PDCD7: variants seen among roughly 807,000 people sequenced by gnomAD.
PDCD7 encodes programmed cell death protein 7.
PDCD7 carries 40 observed loss-of-function variants against 42.1 expected under a neutral mutation model. That is an observed-to-expected ratio of 0.95 (90% CI 0.74 to 1.24). The LOEUF (loss-of-function observed/expected upper bound fraction) is 1.24. PDCD7 is among the 50% of genes most tolerant of loss of function. PDCD7 has a pLI of 0.00. For missense variants in PDCD7, 644 were observed against 662.8 expected (o/e 0.97, Z 0.31); for synonymous variants, 299 against 303.3 (o/e 0.99, Z 0.15).
chr15:65,125,355 C>A (rs979536898), intron 2 of PDCD7, among the ~76,000 whole-genome samples: 18 of 152,208 alleles, frequency 1.2e-4, no homozygotes, highest in African/African-American at 4.1e-4. Flanking sequence ...CCCAAAGACA[C>A]ACAACACCCC....
At position 65,133,651 on chromosome 15, in the gene PDCD7, C is replaced by T. The variant is rs1458589568; in HGVS notation, c.131G>A (p.Arg44Gln). ...SPAFPPPLPQ[R>Q]PGPFPGASAP... is the part of the protein sequence containing the mutation. ...GGAGGCCCCCGGAAAAGGGCCGGGC[C>T]GCTGGGGGAGAGGCGGCGGGAAAGC... The change falls in exon 1 of 5, where the codon CGG becomes CAG. Residue 44 changes from arginine to glutamine, a missense_variant. Physicochemically the swap from Arg to Gln is conservative, Grantham distance 43. Coordinates refer to ENST00000204549, the MANE Select transcript of PDCD7 (RefSeq NM_005707.2). 7.9e-7 allele frequency: 1 copy of T among 1,261,524 alleles called. No homozygotes were observed. The highest frequency in any genetic ancestry group is 1.0e-6 in the Non-Finnish European group (1 of 998,736). The allele number at this position is 1,261,524 out of a possible 1,614,324, so 78.1% of individuals were successfully genotyped here.
Position 65,126,064 on chromosome 15 carries a change from CCGA to C in PDCD7, c.1009+2965_1009+2967del, listed in dbSNP as rs200869659. On this transcript the variant is annotated intron_variant, in intron 2 of 4. Transcript: ENST00000204549. ...TTCAATTACCTCCCACCAAGTCCCT[CCGA>C]CGACATGTGGGAATTATGGGAGCTA... is the stretch of plus-strand genomic sequence containing the variant. 8.7e-3 allele frequency among the ~76,000 whole-genome samples: 1,323 copies of C among 152,300 alleles called. 22 individuals are homozygous for C. The highest frequency in any genetic ancestry group is 0.026 in the African/African-American group (1,063 of 41,552).
chr15:65,122,642 T>C (rs915625874), intron 2 of PDCD7, among the ~76,000 whole-genome samples: 1 of 152,212 alleles, frequency 6.6e-6, no homozygotes, highest in African/African-American at 2.4e-5. Context: ...ATTCCAAATG[T>C]CCTGTTATTA....
At chr15:65,128,455 G>A (rs932583529) in intron 2 of PDCD7, among the ~76,000 whole-genome samples, 6 of 152,190 alleles carry the variant, frequency 3.9e-5, no homozygotes, top group African/African-American at 1.2e-4. Context: ...AGCCAGCATG[G>A]TTGAAACAAA....
chr15:65,120,927 G>C (rs967738366), intron 2 of PDCD7, among the ~76,000 whole-genome samples: 13 of 152,066 alleles, frequency 8.5e-5, no homozygotes, highest in African/African-American at 3.1e-4. Context: ...TTAAAATTTA[G>C]AAATTTTACC....
In PDCD7 at chr15:65,133,740, T is replaced by G. The variant is rs1595930515; in HGVS notation, c.42A>C (p.Pro14=). 1 of 1,316,134 alleles carries G rather than the reference T, an allele frequency of 7.6e-7. No homozygotes were observed. The highest frequency in any genetic ancestry group is 9.7e-7 in the Non-Finnish European group (1 of 1,029,050). The allele number at this position is 1,316,134 out of a possible 1,614,324, so 81.5% of individuals were successfully genotyped here. A position where few individuals can be genotyped will look rare whatever the true frequency, so the allele number is the denominator to read the frequency against. ...CAGGAGGCGGCGGCTGCGGGGGCGG[T>G]GGGCCTGGGCGACCCTGGCCGAAGA... The part of the protein sequence containing the change: ...PPFFGQGRPG[P]PPPQPPPPAP... The change falls in exon 1 of 5, where the codon CCA becomes CCC. Residue 14 remains proline, a synonymous_variant. Coordinates refer to ENST00000204549, the MANE Select transcript of PDCD7 (RefSeq NM_005707.2).
At chr15:65,128,539 C>T (rs1038317968) in intron 2 of PDCD7, among the ~76,000 whole-genome samples, 1 of 152,176 alleles carries the variant, frequency 6.6e-6, no homozygotes, top group Non-Finnish European at 1.5e-5. Context: ...AGACCAGTGA[C>T]ATGAAGGGAA....
intron 2 of PDCD7, among the ~76,000 whole-genome samples, chr15:65,123,482 G>C (rs146544353): frequency 6.6e-6 from 1 of 152,142 alleles, no homozygotes; most frequent in African/African-American, 2.4e-5. Flanking sequence ...CACCATGCCC[G>C]GCCCTTCAAC....
chr15:65,119,489 G>A (rs781547039), intron 3 of PDCD7, 26 bp from the exon 4 acceptor site: 9 of 1,509,040 alleles, frequency 6.0e-6, no homozygotes, highest in Non-Finnish European at 8.3e-6. Flanking sequence ...ACAATACCAC[G>A]TTATCATGCT....
intron 4 of PDCD7, 43 bp from the exon 5 acceptor site, chr15:65,118,883 T>C (rs2087429158): frequency 7.0e-7 from 1 of 1,434,406 alleles, no homozygotes; most frequent in East Asian, 2.6e-5. Flanking sequence ...TTCTGTTTTA[T>C]TCCAAATAAG....
At chr15:65,125,821 G>A (rs920538648) in intron 2 of PDCD7, among the ~76,000 whole-genome samples, 5 of 152,188 alleles carry the variant, frequency 3.3e-5, no homozygotes, top group Admixed American at 2.6e-4. Context: ...AGATATACCT[G>A]AAATTGGGTA....
At chr15:65,120,801 G>A (rs1308715721) in intron 2 of PDCD7, among the ~76,000 whole-genome samples, 1 of 152,096 alleles carries the variant, frequency 6.6e-6, no homozygotes, top group Admixed American at 6.6e-5. Context: ...TACCAGCTTG[G>A]CTTCCCAAAG....
intron 2 of PDCD7, among the ~76,000 whole-genome samples, chr15:65,123,317 A>C (rs889395363): frequency 4.6e-5 from 7 of 152,180 alleles, no homozygotes; most frequent in African/African-American, 1.4e-4. Flanking sequence ...CCTCCCGAGT[A>C]GCTGGGATTA....
At position 65,129,015 on chromosome 15, in the gene PDCD7, T is replaced by G; in HGVS notation, c.1009+17A>C. 1 of 1,613,718 alleles carries G rather than the reference T, an allele frequency of 6.2e-7. No individual in the cohort carries two copies. Among genetic ancestry groups the G allele is most frequent in the Non-Finnish European group, 8.5e-7 (1 of 1,179,780 alleles). On this transcript the variant is annotated intron_variant, in intron 2 of 4. Transcript: ENST00000204549. ...AAGGGGAAGGGAACAAGGAAAGAAA[T>G]GCAAAGCCACAGTTACCTTTCCTCG...
chr15:65,133,146 G>C lies in PDCD7; in HGVS notation c.636C>G (p.Thr212=), dbSNP rs754405988. 3.9e-6 allele frequency: 6 copies of C among 1,531,954 alleles called. No individual in the cohort carries two copies. The African/African-American group carries it at 8.3e-5, about 21-fold the overall frequency. 94.9% of individuals were successfully genotyped at this position (1,531,954 alleles called of 1,614,324 possible). Residue 212 remains threonine, a synonymous_variant, in exon 1 of 5, where the codon ACC becomes ACG. Transcript: ENST00000204549. ...CGGCCAGTTCCGCGCGCAGCGGCGC[G>C]GTCTGGGAGTACAGCAGGACCCAGG... ...GAAWVLLYSQ[T]APLRAELAER... is the part of the protein sequence containing the mutation.
At chr15:65,129,785 T>C (rs2087524619) in intron 1 of PDCD7, among the ~76,000 whole-genome samples, 1 of 152,128 alleles carries the variant, frequency 6.6e-6, no homozygotes, top group South Asian at 2.1e-4. Context: ...CTGGGCATAA[T>C]GGCATGTGTC....
intron 1 of PDCD7, among the ~76,000 whole-genome samples, chr15:65,131,017 C>A (rs1434078528): frequency 2.0e-5 from 3 of 152,146 alleles, no homozygotes; most frequent in Non-Finnish European, 2.9e-5. Flanking sequence ...GGTCAACAAA[C>A]CCCAGGCCAC....
rs973725943 is a variant in PDCD7 at position 65,128,536 on chromosome 15, T to C, written c.1009+496A>G. ...TCCTCCAGAGGCAAGAAGAGACCAG[T>C]GACATGAAGGGAAGGTGGGGAAATC... On this transcript the variant is annotated intron_variant, in intron 2 of 4. Transcript: ENST00000204549. Among the ~76,000 whole-genome samples the C allele has an allele frequency of 3.9e-5, 6 of 152,266 alleles. No homozygotes were observed. The East Asian group carries it at 1.2e-3, about 29-fold the overall frequency.
Position 65,118,563 on chromosome 15 carries a change from GCA to G in PDCD7, c.*152_*153del, listed in dbSNP as rs2087425001. 5 of 730,562 alleles carry G rather than the reference GCA, an allele frequency of 6.8e-6. No individual in the cohort carries two copies. The South Asian group carries it at 1.5e-4, about 22-fold the overall frequency. 45.3% of individuals were successfully genotyped at this position (730,562 alleles called of 1,614,324 possible). On this transcript the variant is annotated 3_prime_UTR_variant, in exon 5 of 5. Transcript: ENST00000204549. ...CTGATTCAAGAGGCACCTCTGGCCA[GCA>G]CAGAGCACAGAAGGAAAGCATAACT... is the stretch of plus-strand genomic sequence containing the variant.
Sources: gnomAD v4.1 joint callset for allele counts (sites outside exome capture counted in the v4.1 genomes callset) on GRCh38, gnomAD v4.1.1 for gene constraint, MANE v1.5 for transcripts, NCBI Gene and HGNC (gene_info 2026-07-23, HGNC 2026-07-21) for gene names.